Variants in ZBED6 observed in about 807,000 individuals in gnomAD.
The protein encoded by ZBED6 is zinc finger BED-type containing 6.
A neutral mutation model predicts 58.4 loss-of-function variants in ZBED6; 40 were observed. That is an observed-to-expected ratio of 0.68 (90% CI 0.53 to 0.89). The LOEUF is 0.89. Among genes scored for constraint, ZBED6 ranks in the 40% least tolerant of loss-of-function variants. ZBED6 has a pLI of 0.00. For missense variants in ZBED6, 1,057 were observed against 1,003.9 expected, an observed-to-expected ratio of 1.05 and a Z score of -0.71; for synonymous variants, 439 against 350.6, an observed-to-expected ratio of 1.25 and a Z score of -2.82.
At chr1:203,798,392 A>G (rs749320203) in exon 1 of ZBED6, 1 of 1,534,896 alleles carries the variant, frequency 6.5e-7, no homozygotes, top group South Asian at 1.2e-5. Context: ...TATGTAAAAG[A>G]AGTGTGAGCC....
At chr1:203,819,858 A>G (rs1432307628) in intron 3 of ZBED6, among the ~76,000 whole-genome samples, 3 of 151,794 alleles carry the variant, frequency 2.0e-5, no homozygotes, top group Non-Finnish European at 4.4e-5. Context: ...TTTTAAAAAG[A>G]TTAACATTGA....
At chr1:203,845,547 A>G (rs1687654760) in intron 11 of ZBED6, among the ~76,000 whole-genome samples, 1 of 152,178 alleles carries the variant, frequency 6.6e-6, no homozygotes, top group South Asian at 2.1e-4. Flanking sequence ...ATTGGAGGGT[A>G]TCAGGTTTTA....
chr1:203,833,201 C>T (rs191783892), intron 8 of ZBED6, among the ~76,000 whole-genome samples: 2 of 152,218 alleles, frequency 1.3e-5, no homozygotes, highest in South Asian at 2.1e-4. Context: ...AACCTTGTCT[C>T]TACTAAAAAT....
chr1:203,799,226 T>C (rs1485040085), exon 1 of ZBED6: 3 of 886,232 alleles, frequency 3.4e-6, no homozygotes, highest in Non-Finnish European at 5.4e-6. Flanking sequence ...ATTCCTCTAA[T>C]GTGGTACATG....
chr1:203,796,471 A>AG lies in ZBED6; in HGVS notation c.-1051dup, dbSNP rs2102325222. The AG allele has an allele frequency of 2.5e-6, 1 of 399,064 alleles. No homozygotes were observed. The highest frequency in any genetic ancestry group is 2.1e-5 in the African/African-American group (1 of 48,750). The allele number at this position is 399,064 out of a possible 1,614,324, so 24.7% of individuals were successfully genotyped here. ...TGTAGGACTGGTGAAACCGTAATGA[A>AG]GAACACCCCTAAACTCCCATAATCG... is the stretch of plus-strand genomic sequence containing the variant. On this transcript the variant is annotated 5_prime_UTR_variant, in exon 1 of 17. It introduces an in-frame stop codon into an upstream open reading frame of the 5' UTR. Coordinates refer to ENST00000550078, the Ensembl canonical transcript of ZBED6.
At chr1:203,812,127 T>C (rs1460213857) in intron 1 of ZBED6, among the ~76,000 whole-genome samples, 1 of 152,144 alleles carries the variant, frequency 6.6e-6, no homozygotes, top group Non-Finnish European at 1.5e-5. Context: ...TTAACTTTCA[T>C]TTTAAATTCA....
intron 1 of ZBED6, among the ~76,000 whole-genome samples, chr1:203,811,780 T>C (rs1423530599): frequency 6.6e-6 from 1 of 151,948 alleles, no homozygotes; most frequent in African/African-American, 2.4e-5. Context: ...TTTCCTTTGT[T>C]GCATATATGT....
rs559786109 is a variant in ZBED6, at chr1:203,834,691, C to G, written c.*3573+838C>G. Among the ~76,000 whole-genome samples, 15 of 152,278 alleles carry G rather than the reference C, an allele frequency of 9.9e-5. No individual in the cohort carries two copies. The South Asian group carries it at 2.7e-3, about 27-fold the overall frequency. On this transcript the variant is annotated intron_variant, in intron 9 of 16. Coordinates refer to ENST00000550078, the Ensembl canonical transcript of ZBED6. ...TGAAACGAGAGTCTTGCTCTGTCGC[C>G]CACGCTGGCGTGCACTGGCACAATC... is the stretch of plus-strand genomic sequence containing the variant.
exon 1 of ZBED6, chr1:203,800,532 A>G: frequency 7.3e-7 from 1 of 1,368,258 alleles, no homozygotes; most frequent in Non-Finnish European, 9.5e-7. Context: ...GTAGTTGTTA[A>G]ATATAATCAT....
At chr1:203,833,290 G>A (rs1378530273) in intron 8 of ZBED6, among the ~76,000 whole-genome samples, 6 of 151,290 alleles carry the variant, frequency 4.0e-5, no homozygotes, top group African/African-American at 4.9e-5. Context: ...GCTTGAACCC[G>A]GGAGGTGGAG....
chr1:203,827,102 G>A (rs1029854106), intron 3 of ZBED6, among the ~76,000 whole-genome samples: 2 of 152,024 alleles, frequency 1.3e-5, no homozygotes, highest in Admixed American at 1.3e-4. Flanking sequence ...CACATCTGTG[G>A]CATTGAGTAT....
intron 3 of ZBED6, among the ~76,000 whole-genome samples, chr1:203,826,361 A>G (rs1219971886): frequency 2.7e-5 from 4 of 149,538 alleles, no homozygotes; most frequent in African/African-American, 7.4e-5. Context: ...AAATTAATAA[A>G]TAAATATTGA....
intron 15 of ZBED6, 39 bp from the exon 16 acceptor site, chr1:203,851,018 C>T (rs369412562): frequency 2.5e-6 from 4 of 1,605,786 alleles, no homozygotes; most frequent in African/African-American, 1.3e-5. Flanking sequence ...AATTAAAAAG[C>T]CTGACTCTCA....
chr1:203,810,165 ATGAGG>A (rs1673885550), intron 1 of ZBED6, among the ~76,000 whole-genome samples: 1 of 150,720 alleles, frequency 6.6e-6, no homozygotes, highest in South Asian at 2.1e-4. Flanking sequence ...TTTTTAAGAG[ATGAGG>A]TCTGTCTGTT....
intron 1 of ZBED6, among the ~76,000 whole-genome samples, chr1:203,804,150 G>GTTTTTT (rs1209891980): frequency 2.3e-5 from 3 of 131,018 alleles, no homozygotes; most frequent in South Asian, 2.4e-4. Context: ...TCCTGTATAT[G>GTTTTTT]TGTTTTTTTT....
Position 203,829,801 on chromosome 1 carries a change from A to T in ZBED6, c.*3223A>T. The T allele has an allele frequency of 6.2e-7, 1 of 1,614,078 alleles. No individual in the cohort carries two copies. The highest frequency in any genetic ancestry group is 8.5e-7 in the Non-Finnish European group (1 of 1,179,960). ...ATAGATCAGTTTTCTGAGGAAGGTG[A>T]TGAAACCAAAACACCTACCCTGCAA... On this transcript the variant is annotated 3_prime_UTR_variant, in exon 6 of 17. Coordinates refer to ENST00000550078, the Ensembl canonical transcript of ZBED6.
intron 14 of ZBED6, 124 bp downstream of exon 14, chr1:203,850,150 A>G (rs1688922082): frequency 1.2e-6 from 1 of 806,780 alleles, no homozygotes; most frequent in African/African-American, 1.8e-5. Context: ...CCACAGGTAG[A>G]TAGTAATATT....
intron 11 of ZBED6, among the ~76,000 whole-genome samples, chr1:203,842,789 G>A (rs541761136): frequency 6.6e-6 from 1 of 151,530 alleles, no homozygotes; most frequent in South Asian, 2.1e-4. Flanking sequence ...TGTCATCTGG[G>A]TATTGAGGTT....
intron 1 of ZBED6, among the ~76,000 whole-genome samples, chr1:203,803,559 A>G (rs1232809545): frequency 1.3e-5 from 2 of 152,188 alleles, no homozygotes; most frequent in African/African-American, 4.8e-5. Flanking sequence ...GCATAGCCAA[A>G]GTGAAATCTT....
Sources: gnomAD v4.1 joint callset for allele counts (sites outside exome capture counted in the v4.1 genomes callset) on GRCh38, gnomAD v4.1.1 for gene constraint, MANE v1.5 for transcripts, NCBI Gene and HGNC (gene_info 2026-07-23, HGNC 2026-07-21) for gene names.